The following NCS1 variants were observed in gnomAD, a reference collection of about 807,000 sequenced individuals.
The protein encoded by NCS1 is neuronal calcium sensor 1.
In NCS1, 6 loss-of-function variants were observed where a neutral mutation model predicts 28.4. The ratio of observed to expected loss-of-function variants is 0.21; its 90% CI spans 0.12 to 0.42. NCS1 has a LOEUF of 0.42. Ranked by LOEUF, NCS1 falls within the 10% of genes least tolerant of loss-of-function variation. NCS1 has a pLI of 1.00. For missense variants in NCS1, 131 were observed against 241.4 expected, an observed-to-expected ratio of 0.54 and a Z score of 3.03; for synonymous variants, 86 against 99.3, an observed-to-expected ratio of 0.87 and a Z score of 0.79.
rs782361098 is a variant in NCS1, at chr9:130,177,370, A to G, written c.64+4643A>G. On this transcript the variant is annotated intron_variant, in intron 1 of 7. Coordinates refer to ENST00000372398, the MANE Select transcript of NCS1 (RefSeq NM_014286.4). This position sits in a 1 kb window ranked among gnomAD's most constrained non-coding sequence, Gnocchi z 4.4. ...TGCCTTCAGGAGGCAGTCACTGGAG[A>G]CCATCTTGGGACAAAGCTGGGGGTT... is the stretch of plus-strand genomic sequence containing the variant. 3.9e-5 allele frequency among the ~76,000 whole-genome samples: 6 copies of G among 152,132 alleles called. No individual in the cohort carries two copies. The highest frequency in any genetic ancestry group is 8.8e-5 in the Non-Finnish European group (6 of 68,026).
intron 2 of NCS1, among the ~76,000 whole-genome samples, chr9:130,208,741 A>C (rs533900294): frequency 1.3e-5 from 2 of 152,304 alleles, no homozygotes; most frequent in African/African-American, 4.8e-5. Flanking sequence ...TCAGCAACAC[A>C]CTGGGGGCTT....
chr9:130,190,988 TC>T (rs1588112193), intron 1 of NCS1, among the ~76,000 whole-genome samples: 2 of 152,194 alleles, frequency 1.3e-5, no homozygotes, highest in East Asian at 3.8e-4. Context: ...GGCAACAGCT[TC>T]CCATCTTGGT....
At chr9:130,208,153 G>A (rs1833053485) in intron 2 of NCS1, among the ~76,000 whole-genome samples, 1 of 140,346 alleles carries the variant, frequency 7.1e-6, no homozygotes, top group Non-Finnish European at 1.5e-5. Flanking sequence ...ACCAGTCCAT[G>A]ATGGAAAAAA....
intron 2 of NCS1, among the ~76,000 whole-genome samples, chr9:130,207,039 G>A (rs376174523): frequency 6.6e-6 from 1 of 152,126 alleles, no homozygotes; most frequent in East Asian, 1.9e-4. Flanking sequence ...TAGCCCTCTT[G>A]TTCCCTTGCC....
intron 4 of NCS1, among the ~76,000 whole-genome samples, chr9:130,220,709 G>A (rs563593951): frequency 4.6e-5 from 7 of 152,102 alleles, no homozygotes; most frequent in African/African-American, 7.2e-5. Context: ...TCAGTCCATC[G>A]GCAGCAAGAA....
chr9:130,203,103 T>C (rs1832978268), intron 2 of NCS1, among the ~76,000 whole-genome samples: 1 of 149,574 alleles, frequency 6.7e-6, no homozygotes, highest in Non-Finnish European at 1.5e-5. Flanking sequence ...TATATATGTG[T>C]GTGTGTGTGC....
At chr9:130,207,021 CAT>C (rs1359017014) in intron 2 of NCS1, among the ~76,000 whole-genome samples, 17 of 152,222 alleles carry the variant, frequency 1.1e-4, no homozygotes, top group African/African-American at 1.7e-4. Flanking sequence ...TCTCTGCACA[CAT>C]GTTACTAGCC....
rs1384690298 is a variant in NCS1, at chr9:130,179,925, T to A, written c.64+7198T>A. 3.3e-5 allele frequency among the ~76,000 whole-genome samples: 5 copies of A among 152,176 alleles called. No individual in the cohort carries two copies. In the East Asian group the frequency reaches 7.7e-4, roughly 23 times the overall value. On this transcript the variant is annotated intron_variant, in intron 1 of 7. Coordinates refer to ENST00000372398, the MANE Select transcript of NCS1 (RefSeq NM_014286.4). ...TGTGGCAGGAACTGCTTTGTTCCTGTCAGGGCACCTCCCACTGTGCCAAGG... is the reference window on the plus strand; with the variant it reads ...TGTGGCAGGAACTGCTTTGTTCCTGACAGGGCACCTCCCACTGTGCCAAGG...
In NCS1 at chr9:130,176,138, TTTTCTTTCTTTCTTTC is replaced by T. The variant is rs71387327; in HGVS notation, c.64+3455_64+3470del. Among the ~76,000 whole-genome samples, 579 of 102,264 alleles carry T rather than the reference TTTTCTTTCTTTCTTTC, an allele frequency of 5.7e-3. 11 individuals carry two copies. The highest frequency in any genetic ancestry group is 0.011 in the Middle Eastern group (2 of 176). The allele number at this position is 102,264 out of a possible 152,430, so 67.1% of individuals were successfully genotyped here. On this transcript the variant is annotated intron_variant, in intron 1 of 7. Coordinates refer to ENST00000372398, the MANE Select transcript of NCS1 (RefSeq NM_014286.4). ...ATCGTAATTAATGCTTATTTGTTCA[TTTTCTTTCTTTCTTTC>T]TTTCTTTCTTTCTTTCTTTCTTTCT...
At chr9:130,208,459 A>G (rs1427736112) in intron 2 of NCS1, among the ~76,000 whole-genome samples, 1 of 151,930 alleles carries the variant, frequency 6.6e-6, no homozygotes, top group Non-Finnish European at 1.5e-5. Context: ...TTGTATTTTT[A>G]GTAGAGACGG....
rs1053422687 is a variant in NCS1 at position 130,192,419 on chromosome 9, T to A, written c.65-8539T>A. ...CCTTCCTGTCCTCACTCCAGCCCTCTCGGGGGCTGCTCTTCCTGGACACGG... is the reference window on the plus strand; with the variant it reads ...CCTTCCTGTCCTCACTCCAGCCCTCACGGGGGCTGCTCTTCCTGGACACGG... On this transcript the variant is annotated intron_variant, in intron 1 of 7. Coordinates refer to ENST00000372398, the MANE Select transcript of NCS1 (RefSeq NM_014286.4). This position sits in a 1 kb window ranked among gnomAD's most constrained non-coding sequence, Gnocchi z 4.8. Among the ~76,000 whole-genome samples, 5 of 151,958 alleles carry A rather than the reference T, an allele frequency of 3.3e-5. No homozygotes were observed. Among genetic ancestry groups the A allele is most frequent in the African/African-American group, 9.7e-5 (4 of 41,358 alleles).
intron 1 of NCS1, among the ~76,000 whole-genome samples, chr9:130,197,837 C>G (rs2131132492): frequency 6.6e-6 from 1 of 152,180 alleles, no homozygotes; most frequent in Admixed American, 6.5e-5. Context: ...GTGGTGTATG[C>G]CTGTAGTTCC....
chr9:130,213,460 T>C (rs1833141220), intron 2 of NCS1, among the ~76,000 whole-genome samples: 1 of 151,712 alleles, frequency 6.6e-6, no homozygotes, highest in Admixed American at 6.6e-5. Flanking sequence ...TTTGTATTTT[T>C]AGTAGAGACG....
intron 1 of NCS1, chr9:130,200,453 G>C: frequency 1.1e-6 from 1 of 893,884 alleles, no homozygotes; most frequent in Non-Finnish European, 1.8e-6. Flanking sequence ...GGGGCTGCAG[G>C]GACAGGCTGA....
intron 7 of NCS1, among the ~76,000 whole-genome samples, chr9:130,231,425 C>T (rs1166221196): frequency 1.3e-5 from 2 of 151,350 alleles, no homozygotes; most frequent in Non-Finnish European, 2.9e-5. Context: ...CTCTTTTTGC[C>T]CAGGCTGGAG....
At chr9:130,182,266 T>C (rs7849345) in intron 1 of NCS1, among the ~76,000 whole-genome samples, 77,053 of 151,892 alleles carry the variant, frequency 0.51, 20,091 homozygotes, top group African/African-American at 0.55. Flanking sequence ...CAGGCTTAGA[T>C]CTTTATGTTG....
rs1170924003 is a variant in NCS1 at position 130,172,478 on chromosome 9, C to G, written c.-186C>G. The G allele has an allele frequency of 6.9e-6, 1 of 145,826 alleles. No homozygotes were observed. The highest frequency in any genetic ancestry group is 1.5e-5 in the Non-Finnish European group (1 of 66,470). The allele number at this position is 145,826 out of a possible 1,614,324, so 9.0% of individuals were successfully genotyped here. The stretch of plus-strand genomic sequence containing the variant: ...CCAGGCAGCCCCGCGCCGCGGCGCC[C>G]GGACCGCCCGGGCCTGCCCAGCGGC... On this transcript the variant is annotated 5_prime_UTR_variant, in exon 1 of 8. Transcript: ENST00000372398.
chr9:130,205,653 T>C (rs151189820), intron 2 of NCS1, among the ~76,000 whole-genome samples: 1,795 of 145,434 alleles, frequency 0.012, 32 homozygotes, highest in African/African-American at 0.043. Flanking sequence ...CCTGGGCACA[T>C]AAGGTGATCT....
At chr9:130,178,130 G>T (rs575444935) in intron 1 of NCS1, among the ~76,000 whole-genome samples, 1 of 152,214 alleles carries the variant, frequency 6.6e-6, no homozygotes, top group African/African-American at 2.4e-5. Context: ...CTCCTGAAGT[G>T]TTGGGATTAC....
Sources: gnomAD v4.1 joint callset for allele counts (sites outside exome capture counted in the v4.1 genomes callset) on GRCh38, gnomAD v4.1.1 for gene constraint, Gnocchi (gnomAD v3.1) non-coding constraint, MANE v1.5 for transcripts, NCBI Gene and HGNC (gene_info 2026-07-23, HGNC 2026-07-21) for gene names.